SLC71A1: variants seen among roughly 807,000 people sequenced by gnomAD.
SLC71A1 encodes solute carrier family 71 member 1.
the SLC71A1 span, among the ~76,000 whole-genome samples, chr1:100,076,372 A>G: frequency 6.6e-6 from 1 of 152,200 alleles, no homozygotes; most frequent in Non-Finnish European, 1.5e-5. Flanking sequence ...AAAATTTTCT[A>G]ATGTTCCCAA....
At chr1:100,082,900 G>A in the SLC71A1 span, 2 of 152,454 alleles carry the variant, frequency 1.3e-5, no homozygotes, top group African/African-American at 4.8e-5. Flanking sequence ...TTATTCCCCA[G>A]CTACTTCTTA....
chr1:100,079,986 G>A, the SLC71A1 span: 1 of 153,008 alleles, frequency 6.5e-6, no homozygotes, highest in African/African-American at 2.4e-5. Flanking sequence ...CACCACCCTA[G>A]GCAACAAAGT....
At chr1:100,053,239 T>G in the SLC71A1 span, among the ~76,000 whole-genome samples, 1 of 152,236 alleles carries the variant, frequency 6.6e-6, no homozygotes, top group African/African-American at 2.4e-5. Flanking sequence ...TTGGCTTTGT[T>G]GGCAGTCTTT....
chr1:100,059,448 C>G, the SLC71A1 span, among the ~76,000 whole-genome samples: 2 of 151,544 alleles, frequency 1.3e-5, no homozygotes, highest in African/African-American at 4.8e-5. Context: ...AAGTACTGTG[C>G]CCAGCTCAAA....
chr1:100,056,195 A>G, the SLC71A1 span, among the ~76,000 whole-genome samples: 1 of 152,072 alleles, frequency 6.6e-6, no homozygotes, highest in African/African-American at 2.4e-5. Flanking sequence ...TCTGGTAACC[A>G]TCATTCTGCT....
chr1:100,046,212 G>GT, the SLC71A1 span, among the ~76,000 whole-genome samples: 5,778 of 53,998 alleles, frequency 0.11, 2,349 homozygotes, highest in Non-Finnish European at 0.15. Context: ...TCCAAGCCTC[G>GT]TTTTTTTTTT....
chr1:100,072,377 C>T, the SLC71A1 span, among the ~76,000 whole-genome samples: 15 of 152,288 alleles, frequency 9.8e-5, no homozygotes, highest in Admixed American at 3.9e-4. Flanking sequence ...GGTCCCCATG[C>T]TCATGTGCGC....
the SLC71A1 span, chr1:100,068,720 C>T: frequency 5.5e-4 from 343 of 625,736 alleles, 1 homozygote; most frequent in Non-Finnish European, 8.0e-4. Flanking sequence ...TAGTGGCTCA[C>T]GCCTGTAATC....
the SLC71A1 span, among the ~76,000 whole-genome samples, chr1:100,061,424 A>T: frequency 1.3e-5 from 2 of 152,224 alleles, no homozygotes; most frequent in Non-Finnish European, 2.9e-5. Context: ...CTCAAAATAA[A>T]TATGAAGAAA....
the SLC71A1 span, among the ~76,000 whole-genome samples, chr1:100,040,208 G>C: frequency 6.6e-6 from 1 of 152,084 alleles, no homozygotes; most frequent in Non-Finnish European, 1.5e-5. Context: ...ATTTTAAAGT[G>C]ATAAAAACAC....
chr1:100,059,144 G>GTTTTTTTTTTTTTTTTTTTTT, the SLC71A1 span, among the ~76,000 whole-genome samples: 21 of 75,428 alleles, frequency 2.8e-4, 4 homozygotes, highest in African/African-American at 1.1e-3. Flanking sequence ...TCTTTTTCGT[G>GTTTTTTTTTTTTTTTTTTTTT]TTTTTTTTTT....
chr1:100,051,533 A>C, the SLC71A1 span, among the ~76,000 whole-genome samples: 1 of 150,984 alleles, frequency 6.6e-6, no homozygotes, highest in Non-Finnish European at 1.5e-5. Context: ...TCCTGGCTTC[A>C]TAATCCAAGT....
chr1:100,042,277 A>G, the SLC71A1 span, among the ~76,000 whole-genome samples: 1 of 152,250 alleles, frequency 6.6e-6, no homozygotes, highest in Non-Finnish European at 1.5e-5. Flanking sequence ...ATAGAAAGTA[A>G]GGCATATCTG....
At chr1:100,078,989 C>G in the SLC71A1 span, 2 of 152,852 alleles carry the variant, frequency 1.3e-5, no homozygotes, top group African/African-American at 4.8e-5. Flanking sequence ...TCACTTGAGT[C>G]TCAGAGGCGG....
the SLC71A1 span, among the ~76,000 whole-genome samples, chr1:100,045,565 T>C: frequency 6.6e-6 from 1 of 152,196 alleles, no homozygotes; most frequent in African/African-American, 2.4e-5. Context: ...ATACAGATAT[T>C]TATCAGGTAC....
At chr1:100,052,679 C>G in the SLC71A1 span, among the ~76,000 whole-genome samples, 1 of 152,144 alleles carries the variant, frequency 6.6e-6, no homozygotes, top group East Asian at 1.9e-4. Flanking sequence ...ATCCGCCCGC[C>G]TTGGCCTCCC....
the SLC71A1 span, among the ~76,000 whole-genome samples, chr1:100,040,179 C>T: frequency 2.9e-3 from 445 of 152,270 alleles, 3 homozygotes; most frequent in African/African-American, 0.01. Context: ...GTTTGGATCC[C>T]ACAGGGCCTA....
chr1:100,079,536 C>T, the SLC71A1 span: 1 of 152,174 alleles, frequency 6.6e-6, no homozygotes, highest in East Asian at 1.9e-4. Context: ...AAGCAAGTTG[C>T]ATTTTAAATT....
chr1:100,081,091 C>T, the SLC71A1 span, among the ~76,000 whole-genome samples: 1 of 152,172 alleles, frequency 6.6e-6, no homozygotes, highest in East Asian at 1.9e-4. Flanking sequence ...ATATTAGCAG[C>T]TCATCAGTTT....
Sources: gnomAD v4.1 joint callset for allele counts (sites outside exome capture counted in the v4.1 genomes callset) on GRCh38, gnomAD v4.1.1 for gene constraint, MANE v1.5 for transcripts, NCBI Gene and HGNC (gene_info 2026-07-23, HGNC 2026-07-21) for gene names.